ADCK1: variants seen among roughly 807,000 people sequenced by gnomAD.
ADCK1 encodes aarF domain-containing protein kinase 1.
Under a neutral mutation model 52.3 loss-of-function variants are expected in ADCK1, and 41 were observed. That is an observed-to-expected ratio of 0.78 (90% CI 0.61 to 1.02). The LOEUF is 1.02. Among genes scored for constraint, ADCK1 ranks in the 50% least tolerant of loss-of-function variants. ADCK1 has a pLI of 0.00. For synonymous variants in ADCK1, 250 were observed against 274.6 expected (o/e 0.91, Z 0.89); for missense variants, 658 against 679.5 (o/e 0.97, Z 0.35).
chr14:77,931,343 C>T (rs1255182220), intron 9 of ADCK1, among the ~76,000 whole-genome samples, 175 bp from the exon 10 acceptor site: 1 of 152,182 alleles, frequency 6.6e-6, no homozygotes, highest in East Asian at 1.9e-4. Context: ...TATACAGTGC[C>T]TTGTGCTAGA....
intron 7 of ADCK1, among the ~76,000 whole-genome samples, chr14:77,912,575 C>T (rs1451410540): frequency 6.6e-6 from 1 of 152,004 alleles, no homozygotes; most frequent in Non-Finnish European, 1.5e-5. Flanking sequence ...CCTGGAGTGA[C>T]TCCCTCCTGA....
At chr14:77,841,319 C>T (rs2140089784) in intron 3 of ADCK1, among the ~76,000 whole-genome samples, 1 of 152,258 alleles carries the variant, frequency 6.6e-6, no homozygotes, top group African/African-American at 2.4e-5. Flanking sequence ...CAACACGGAA[C>T]CCCATGCTGT....
At position 77,934,408 on chromosome 14, in the gene ADCK1, T is replaced by A. The variant is rs2084408692; in HGVS notation, c.*1017T>A. On this transcript the variant is annotated 3_prime_UTR_variant, in exon 11 of 11. Transcript: ENST00000238561. ...GACCTGGGTACCAACCTTGTTCTAC[T>A]GTTTCCTGACTTATCCCTTTGGTTC... 6.6e-6 allele frequency: 1 copy of A among 152,224 alleles called. No homozygotes were observed. Among genetic ancestry groups the A allele is most frequent in the South Asian group, 2.1e-4 (1 of 4,832 alleles). 9.4% of individuals were successfully genotyped at this position (152,224 alleles called of 1,614,324 possible). A position where few individuals can be genotyped will look rare whatever the true frequency, so the allele number is the denominator to read the frequency against.
At chr14:77,932,747 C>T (rs1447921476) in intron 10 of ADCK1, among the ~76,000 whole-genome samples, 1 of 152,186 alleles carries the variant, frequency 6.6e-6, no homozygotes, top group Non-Finnish European at 1.5e-5. Flanking sequence ...CACCAGTTTT[C>T]ATCATGTCCT....
chr14:77,821,610 G>GA (rs2081583620), intron 2 of ADCK1, among the ~76,000 whole-genome samples: 1 of 152,052 alleles, frequency 6.6e-6, no homozygotes. Flanking sequence ...GCCAGGCGCG[G>GA]TGGCTCATGC....
chr14:77,908,813 C>G (rs2083725850), intron 7 of ADCK1, among the ~76,000 whole-genome samples: 1 of 152,176 alleles, frequency 6.6e-6, no homozygotes, highest in Admixed American at 6.5e-5. Flanking sequence ...TGCTGTATCT[C>G]AGGCAGCGAG....
intron 4 of ADCK1, among the ~76,000 whole-genome samples, chr14:77,866,581 C>T (rs2082666254): frequency 6.6e-6 from 1 of 152,160 alleles, no homozygotes; most frequent in South Asian, 2.1e-4. Flanking sequence ...GGATTAGGGA[C>T]TCTGAAGTAT....
At chr14:77,887,826 C>A (rs528003208) in intron 5 of ADCK1, among the ~76,000 whole-genome samples, 14 of 152,200 alleles carry the variant, frequency 9.2e-5, no homozygotes, top group Non-Finnish European at 1.3e-4. Context: ...TGCTGAGCAG[C>A]CACTGCTTGA....
intron 4 of ADCK1, among the ~76,000 whole-genome samples, chr14:77,865,476 C>G (rs1343623386): frequency 6.6e-6 from 1 of 152,080 alleles, no homozygotes; most frequent in Non-Finnish European, 1.5e-5. Flanking sequence ...GAGTGACACC[C>G]CGTATCAAAA....
Position 77,931,666 on chromosome 14 carries a change from GCTC to G in ADCK1, c.1358_1360del (p.Ser453del), listed in dbSNP as rs2084342813. On this transcript the variant is annotated inframe_deletion, in exon 10 of 11. Transcript: ENST00000238561. ...GCCCTGGGCACCCGCGCCAGCGCCA[GCTC>G]CTTTCTCAACATGTCACGTTGCTGC... is the stretch of plus-strand genomic sequence containing the variant. 6.2e-6 allele frequency: 10 copies of G among 1,608,684 alleles called. No homozygotes were observed. Among genetic ancestry groups the G allele is most frequent in the African/African-American group, 1.3e-5 (1 of 74,932 alleles).
At position 77,836,096 on chromosome 14, in the gene ADCK1, C is replaced by T. The variant is rs541729090; in HGVS notation, c.219+13578C>T. 7.9e-5 allele frequency among the ~76,000 whole-genome samples: 12 copies of T among 152,260 alleles called. No homozygotes were observed. In the South Asian group the frequency reaches 1.7e-3, roughly 21 times the overall value. On this transcript the variant is annotated intron_variant, in intron 3 of 10. Transcript: ENST00000238561. ...CTCATGAATGGAATAATGCTGTTAC[C>T]GTGGGAATGGGTTCATTTTGGGTAC...
chr14:77,852,893 ATATATATATATATATTTTTTT>A, intron 3 of ADCK1, among the ~76,000 whole-genome samples: 1 of 29,664 alleles, frequency 3.4e-5, no homozygotes, highest in African/African-American at 1.6e-4. Flanking sequence ...GTATATATAT[ATATATATATATATATTTTTTT>A]TTTTTTTTTT....
At chr14:77,843,924 T>G (rs1452898998) in intron 3 of ADCK1, among the ~76,000 whole-genome samples, 1 of 152,222 alleles carries the variant, frequency 6.6e-6, no homozygotes, top group East Asian at 1.9e-4. Context: ...CACCTTCCTT[T>G]TAGGATGGGC....
chr14:77,877,192 G>A (rs2082919563), intron 4 of ADCK1, among the ~76,000 whole-genome samples: 1 of 152,214 alleles, frequency 6.6e-6, no homozygotes, highest in Admixed American at 6.5e-5. Context: ...TCCAGCCTGG[G>A]CAACAGGGTG....
chr14:77,814,916 A>T (rs1038375866), intron 1 of ADCK1, among the ~76,000 whole-genome samples: 1 of 149,978 alleles, frequency 6.7e-6, no homozygotes, highest in Non-Finnish European at 1.5e-5. Context: ...TTTGAGAAGG[A>T]GTCTCTGTCG....
At chr14:77,921,152 CCT>C (rs1221736406) in intron 7 of ADCK1, among the ~76,000 whole-genome samples, 2 of 150,538 alleles carry the variant, frequency 1.3e-5, no homozygotes, top group Non-Finnish European at 3.0e-5. Flanking sequence ...ACGGTGAAAC[CCT>C]GTCTCTACTA....
intron 3 of ADCK1, among the ~76,000 whole-genome samples, chr14:77,826,473 G>A (rs1262172674): frequency 6.6e-6 from 1 of 152,182 alleles, no homozygotes; most frequent in Non-Finnish European, 1.5e-5. Context: ...GAGCCAACGT[G>A]AAGTGTGTTC....
intron 5 of ADCK1, among the ~76,000 whole-genome samples, chr14:77,891,190 G>A (rs1172928264): frequency 1.3e-5 from 2 of 152,210 alleles, no homozygotes; most frequent in African/African-American, 2.4e-5. Context: ...GAGACTCGAG[G>A]TGGGTGAAGG....
At chr14:77,880,402 T>C (rs2082996303) in intron 4 of ADCK1, among the ~76,000 whole-genome samples, 1 of 152,228 alleles carries the variant, frequency 6.6e-6, no homozygotes, top group African/African-American at 2.4e-5. Flanking sequence ...GCAACAGCAA[T>C]AGCTAATGGC....
Sources: allele counts gnomAD v4.1 joint callset (sites outside exome capture counted in the v4.1 genomes callset), GRCh38; gene constraint gnomAD v4.1.1; transcripts MANE v1.5; gene names NCBI Gene and HGNC (gene_info 2026-07-23, HGNC 2026-07-21).